KLHL29: variants seen among roughly 807,000 people sequenced by gnomAD.
The protein encoded by KLHL29 is kelch-like protein 29.
A neutral mutation model predicts 80.4 loss-of-function variants in KLHL29; 21 were observed. The ratio of observed to expected loss-of-function variants is 0.26; its 90% CI spans 0.19 to 0.38. The LOEUF (loss-of-function observed/expected upper bound fraction) is 0.38. KLHL29 is among the 10% of genes least tolerant of loss of function. KLHL29 has a pLI of 1.00. For synonymous variants in KLHL29, 511 were observed against 526.8 expected, an observed-to-expected ratio of 0.97 and a Z score of 0.41; for missense variants, 867 against 1,223.9, an observed-to-expected ratio of 0.71 and a Z score of 4.35.
At chr2:23,392,744 C>G (rs531298371) in intron 1 of KLHL29, among the ~76,000 whole-genome samples, 63 of 152,164 alleles carry the variant, frequency 4.1e-4, no homozygotes, top group Admixed American at 1.6e-3. Context: ...TGCACACACA[C>G]CCCTATTCGT....
intron 1 of KLHL29, among the ~76,000 whole-genome samples, chr2:23,430,814 C>T (rs1369348473): frequency 6.6e-6 from 1 of 152,154 alleles, no homozygotes; most frequent in East Asian, 1.9e-4. Flanking sequence ...AGCATTTGGT[C>T]CAGCCTTTCC....
At chr2:23,453,123 T>C (rs1401167566) in intron 1 of KLHL29, among the ~76,000 whole-genome samples, 1 of 149,840 alleles carries the variant, frequency 6.7e-6, no homozygotes, top group Non-Finnish European at 1.5e-5. Flanking sequence ...AAAAAAAAAG[T>C]AAAAGTAAAT....
At chr2:23,490,965 T>TG (rs1161913772) in intron 2 of KLHL29, among the ~76,000 whole-genome samples, 1 of 152,112 alleles carries the variant, frequency 6.6e-6, no homozygotes, top group African/African-American at 2.4e-5. Context: ...GATTTTTTTT[T>TG]ATTTTACTTT....
At chr2:23,529,814 TG>T (rs940109849) in intron 2 of KLHL29, among the ~76,000 whole-genome samples, 3 of 152,238 alleles carry the variant, frequency 2.0e-5, no homozygotes, top group African/African-American at 4.8e-5. Context: ...TGAGACAGCC[TG>T]GGGGGCCGCA....
Position 23,562,380 on chromosome 2 carries a change from C to A in KLHL29, c.184C>A (p.Arg62=), listed in dbSNP as rs1008330384. 3.9e-6 allele frequency: 6 copies of A among 1,539,872 alleles called. No individual in the cohort carries two copies. The highest frequency in any genetic ancestry group is 2.4e-5 in the East Asian group (1 of 40,864). Residue 62 remains arginine (R), a synonymous_variant, in exon 3 of 14, where the codon CGG becomes AGG. Coordinates refer to ENST00000486442, the MANE Select transcript of KLHL29 (RefSeq NM_052920.2). The surrounding 1 kb of genome is among the most constrained non-coding windows in gnomAD (Gnocchi z 4.5). ...GLLPLPVVPS[R]LPTPATAPAP... ...CCTGCCGCTGCCCGTGGTGCCCTCC[C>A]GGCTGCCCACCCCGGCTACAGCTCC...
intron 2 of KLHL29, among the ~76,000 whole-genome samples, chr2:23,555,127 C>G (rs566068752): frequency 4.8e-5 from 7 of 146,712 alleles, no homozygotes; most frequent in Non-Finnish European, 1.0e-4. Context: ...ACCTCCCCCC[C>G]CCCCTCAACT....
intron 1 of KLHL29, among the ~76,000 whole-genome samples, chr2:23,403,098 T>C (rs1040005365): frequency 6.6e-6 from 1 of 152,036 alleles, no homozygotes; most frequent in Admixed American, 6.5e-5. Context: ...ATATTAACAG[T>C]GGTCATCTTT....
intron 1 of KLHL29, among the ~76,000 whole-genome samples, chr2:23,398,218 C>A (rs541732747): frequency 6.6e-6 from 1 of 152,322 alleles, no homozygotes; most frequent in African/African-American, 2.4e-5. Context: ...CCCAAGTGTC[C>A]GTCAGTGATG....
intron 11 of KLHL29, among the ~76,000 whole-genome samples, chr2:23,698,653 T>C (rs1032538712): frequency 2.0e-5 from 3 of 152,228 alleles, no homozygotes; most frequent in Non-Finnish European, 4.4e-5. Flanking sequence ...CAAACCTGTA[T>C]TATATCATTA....
intron 5 of KLHL29, among the ~76,000 whole-genome samples, chr2:23,671,277 C>T (rs1670749324): frequency 6.6e-6 from 1 of 151,956 alleles, no homozygotes; most frequent in Non-Finnish European, 1.5e-5. Context: ...GAGGAGGAGA[C>T]TCGTGTTCTC....
chr2:23,690,017 GGGT>G (rs1330966527), intron 6 of KLHL29: 18 of 152,406 alleles, frequency 1.2e-4, no homozygotes, highest in African/African-American at 4.1e-4. Context: ...AGGCCCCTTG[GGGT>G]CCTGGTGGGA....
At chr2:23,521,147 G>A (rs1281651565) in intron 2 of KLHL29, among the ~76,000 whole-genome samples, 1 of 152,204 alleles carries the variant, frequency 6.6e-6, no homozygotes, top group Non-Finnish European at 1.5e-5. Flanking sequence ...CTGCCATGTG[G>A]TGTGGGATAC....
chr2:23,516,821 A>G (rs1665947177), intron 2 of KLHL29, among the ~76,000 whole-genome samples: 2 of 152,226 alleles, frequency 1.3e-5, no homozygotes, highest in South Asian at 4.1e-4. Flanking sequence ...CTCAGCTTAC[A>G]AAGCCTCACA....
chr2:23,409,845 C>T (rs779836782), intron 1 of KLHL29, among the ~76,000 whole-genome samples: 9 of 152,164 alleles, frequency 5.9e-5, no homozygotes, highest in Non-Finnish European at 1.3e-4. Context: ...TTACAGGGAG[C>T]TCCGCCTCTT....
At chr2:23,675,310 G>A in intron 5 of KLHL29, among the ~76,000 whole-genome samples, 1 of 144,764 alleles carries the variant, frequency 6.9e-6, no homozygotes, top group African/African-American at 2.7e-5. Context: ...TTTGCCCATG[G>A]CCTTCCCTGC....
intron 1 of KLHL29, among the ~76,000 whole-genome samples, chr2:23,422,134 GT>G (rs1467172924): frequency 4.0e-4 from 61 of 150,952 alleles, no homozygotes; most frequent in Admixed American, 3.8e-3. Context: ...GTCTTTGTGT[GT>G]TGTGTGTGTC....
chr2:23,520,993 C>CT (rs1553334446), intron 2 of KLHL29, among the ~76,000 whole-genome samples: 1 of 103,688 alleles, frequency 9.6e-6, no homozygotes, highest in Non-Finnish European at 1.8e-5. Context: ...ACAAAGACCA[C>CT]CCCCCCCCCC....
intron 2 of KLHL29, among the ~76,000 whole-genome samples, chr2:23,508,912 C>A (rs1440495790): frequency 1.3e-5 from 2 of 152,192 alleles, no homozygotes; most frequent in Non-Finnish European, 2.9e-5. Context: ...TGGTTTCAAT[C>A]CTGGCTCTGT....
intron 2 of KLHL29, among the ~76,000 whole-genome samples, chr2:23,481,189 G>A (rs1056298950): frequency 6.6e-6 from 1 of 152,212 alleles, no homozygotes; most frequent in African/African-American, 2.4e-5. Context: ...AAGCTCCCCA[G>A]GTGGTTCTGA....
Sources: gnomAD v4.1 joint callset for allele counts (sites outside exome capture counted in the v4.1 genomes callset) on GRCh38, gnomAD v4.1.1 for gene constraint, Gnocchi (gnomAD v3.1) non-coding constraint, MANE v1.5 for transcripts, NCBI Gene and HGNC (gene_info 2026-07-23, HGNC 2026-07-21) for gene names.